Variants in JUP observed in about 807,000 individuals in gnomAD.
JUP encodes the protein junction plakoglobin, also known as catenin (cadherin-associated protein), gamma 80kDa.
In JUP, 28 loss-of-function variants were observed where a neutral mutation model predicts 71.1. That is an observed-to-expected ratio of 0.39 (90% CI 0.29 to 0.54). JUP has a LOEUF of 0.54. Ranked by LOEUF, JUP falls within the 20% of genes least tolerant of loss-of-function variation. The pLI is 0.62. For synonymous variants in JUP, 401 were observed against 438.9 expected (o/e 0.91, Z 1.08); for missense variants, 869 against 1,030.1 (o/e 0.84, Z 2.14).
At chr17:41,763,750 A>G (rs1915261819) in intron 7 of JUP, among the ~76,000 whole-genome samples, 1 of 151,900 alleles carries the variant, frequency 6.6e-6, no homozygotes, top group Non-Finnish European at 1.5e-5. Context: ...AGCCATGTCT[A>G]CTCGCTTGTC....
intron 8 of JUP, among the ~76,000 whole-genome samples, chr17:41,760,589 T>G (rs1361387139): frequency 1.4e-5 from 2 of 141,824 alleles, no homozygotes; most frequent in Non-Finnish European, 3.0e-5. Flanking sequence ...CAAGACGGAG[T>G]CTCTCTCTGT....
intron 13 of JUP, 139 bp from the exon 14 acceptor site, chr17:41,756,034 A>G: frequency 1.5e-6 from 2 of 1,334,018 alleles, no homozygotes; most frequent in Non-Finnish European, 1.1e-6. Context: ...ACACCAGGGC[A>G]TCTAGACTGG....
At chr17:41,783,849 G>T (rs1307191165) in intron 1 of JUP, among the ~76,000 whole-genome samples, 1 of 147,484 alleles carries the variant, frequency 6.8e-6, no homozygotes, top group Non-Finnish European at 1.5e-5. Flanking sequence ...AACCCAGGAG[G>T]CGGAGGTTGC....
chr17:41,756,113 C>T (rs782240573), intron 13 of JUP, 62 bp downstream of exon 13: 1 of 1,528,442 alleles, frequency 6.5e-7, no homozygotes, highest in Non-Finnish European at 9.0e-7. Context: ...ATTGTCCCCT[C>T]ACACACACCC....
chr17:41,777,230 T>G (rs2046928590), intron 1 of JUP, among the ~76,000 whole-genome samples: 1 of 152,120 alleles, frequency 6.6e-6, no homozygotes. Flanking sequence ...AGACACTGGC[T>G]GCCCTATGCC....
chr17:41,761,937 C>T (rs151178860), intron 8 of JUP, among the ~76,000 whole-genome samples: 84 of 150,530 alleles, frequency 5.6e-4, no homozygotes, highest in African/African-American at 2.0e-3. Context: ...GACATGGTGG[C>T]GTGCACCTGT....
chr17:41,784,742 C>T (rs1392498264), intron 1 of JUP, among the ~76,000 whole-genome samples: 1 of 152,118 alleles, frequency 6.6e-6, no homozygotes, highest in Non-Finnish European at 1.5e-5. Context: ...CCCAGCCTCA[C>T]TCCCCCATCT....
chr17:41,768,965 G>T lies in JUP; in HGVS notation c.707+4C>A. Reference sequence around the variant, plus strand: ...GGGCTCATGCAGTGAGCAGGGTTGGGTACCTGAGCATGCGGACCAGAGCAG... The same window carrying T: ...GGGCTCATGCAGTGAGCAGGGTTGGTTACCTGAGCATGCGGACCAGAGCAG... On this transcript the variant is annotated splice_donor_region_variant and intron_variant, in intron 4 of 13. Transcript: ENST00000393931. 1 of 1,599,280 alleles carries T rather than the reference G, an allele frequency of 6.3e-7. No individual in the cohort carries two copies. The highest frequency in any genetic ancestry group is 8.5e-7 in the Non-Finnish European group (1 of 1,172,896).
chr17:41,758,989 A>G (rs1914352946), intron 8 of JUP, 119 bp from the exon 9 acceptor site: 1 of 1,028,322 alleles, frequency 9.7e-7, no homozygotes. Flanking sequence ...CCAGACACAG[A>G]CATACTGGAA....
intron 2 of JUP, among the ~76,000 whole-genome samples, chr17:41,769,907 A>ATTTTTTTTTTTTTTTT (rs11427331): frequency 1.4e-5 from 2 of 148,018 alleles, no homozygotes; most frequent in Non-Finnish European, 1.5e-5. Flanking sequence ...CATCAAGGGA[A>ATTTTTTTTTTTTTTTT]TTTTTTTTTT....
chr17:41,771,734 C>A lies in JUP; in HGVS notation c.121G>T (p.Gly41Cys). The change falls in exon 2 of 14, where the codon GGC becomes TGC. Residue 41 changes from glycine to cysteine, a missense_variant. By Grantham distance (159) the Gly-to-Cys change is radical. Coordinates refer to ENST00000393931, the MANE Select transcript of JUP (RefSeq NM_002230.4). ...CAGGCCTCATCCTCCTCCATGATGC[C>A]CTTGCTGCTGACGGAGGGCACGCAG... ...NTCVPSVSSK[G>C]IMEEDEACGR... is the part of the protein sequence containing the mutation. The A allele has an allele frequency of 1.9e-6, 3 of 1,614,152 alleles. No individual in the cohort carries two copies. The highest frequency in any genetic ancestry group is 2.5e-6 in the Non-Finnish European group (3 of 1,180,024).
chr17:41,762,123 CAGAGAGAGAGAGAGAGAGAGAGAG>C (rs528611507), intron 8 of JUP, among the ~76,000 whole-genome samples: 10 of 69,196 alleles, frequency 1.4e-4, no homozygotes, highest in African/African-American at 2.0e-4. Flanking sequence ...TGCAGAGAGA[CAGAGAGAGAGAGAGAGAGAGAGAG>C]AGAGAGAGAG....
At chr17:41,782,962 T>C (rs1018570978) in intron 1 of JUP, among the ~76,000 whole-genome samples, 17 of 151,882 alleles carry the variant, frequency 1.1e-4, no homozygotes, top group Admixed American at 3.9e-4. Context: ...CCTAGTGTGG[T>C]GGTGCATGCC....
At chr17:41,759,220 C>A (rs782567479) in intron 8 of JUP, among the ~76,000 whole-genome samples, 10 of 152,034 alleles carry the variant, frequency 6.6e-5, no homozygotes, top group Non-Finnish European at 1.3e-4. Flanking sequence ...ATTACAGGTG[C>A]CTGCCACCAT....
At chr17:41,777,701 A>C (rs2046952284) in intron 1 of JUP, among the ~76,000 whole-genome samples, 1 of 152,194 alleles carries the variant, frequency 6.6e-6, no homozygotes, top group Admixed American at 6.5e-5. Flanking sequence ...CCTGAGGATG[A>C]GCTGGGGCCT....
At chr17:41,765,374 TAG>T (rs1169085978) in intron 5 of JUP, among the ~76,000 whole-genome samples, 6 of 149,754 alleles carry the variant, frequency 4.0e-5, no homozygotes, top group African/African-American at 1.5e-4. Flanking sequence ...TTTTTTGAGA[TAG>T]AGTCTCGCTC....
rs1555605389 is a variant in JUP at position 41,769,163 on chromosome 17, C to G, written c.513G>C (p.Lys171Asn). 6.2e-7 allele frequency: 1 copy of G among 1,604,456 alleles called. No individual in the cohort carries two copies. Among genetic ancestry groups the G allele is most frequent in the Admixed American group, 1.7e-5 (1 of 59,996 alleles). ...KAAMIVNQLS[K>N]KEASRRALMG... ...TCAGGGCCCGCCGCGACGCCTCCTT[C>G]TTCGACAGCTGGTTCACAATCATGG... The change falls in exon 4 of 14, where the codon AAG becomes AAC. Residue 171 changes from lysine to asparagine, a missense_variant. Lys to Asn is a moderately conservative substitution (Grantham distance 94, BLOSUM62 0). Coordinates refer to ENST00000393931, the MANE Select transcript of JUP (RefSeq NM_002230.4).
Position 41,767,506 on chromosome 17 carries a change from T to C in JUP, c.782A>G (p.Lys261Arg), listed in dbSNP as rs782527507. ...HNLLLYQEGA[K>R]MAVRLADGLQ... ...CCCGTCGGCCAGGCGCACGGCCATCTTGGCGCCCTCCTGGTACAGGAGCAG... is the reference window on the plus strand; with the variant it reads ...CCCGTCGGCCAGGCGCACGGCCATCCTGGCGCCCTCCTGGTACAGGAGCAG... The change falls in exon 5 of 14, where the codon AAG (lysine) becomes AGG (arginine). Residue 261 changes from lysine (K) to arginine (R), a missense_variant. By Grantham distance (26) the Lys-to-Arg change is conservative. Coordinates refer to ENST00000393931, the MANE Select transcript of JUP (RefSeq NM_002230.4). 28 of 1,613,924 alleles carry C rather than the reference T, an allele frequency of 1.7e-5. No homozygotes were observed. The highest frequency in any genetic ancestry group is 2.1e-5 in the Non-Finnish European group (25 of 1,180,016).
At chr17:41,757,898 A>G in intron 10 of JUP, 114 bp from the exon 11 acceptor site, 1 of 874,886 alleles carries the variant, frequency 1.1e-6, no homozygotes, top group Non-Finnish European at 1.8e-6. Flanking sequence ...ATAGTGGAAA[A>G]TGGGCCGTCA....
Sources: allele counts gnomAD v4.1 joint callset (sites outside exome capture counted in the v4.1 genomes callset), GRCh38; gene constraint gnomAD v4.1.1; transcripts MANE v1.5; gene names NCBI Gene and HGNC (gene_info 2026-07-23, HGNC 2026-07-21).